Variants in MAP3K9 observed in about 807,000 individuals in gnomAD.
The protein encoded by MAP3K9 is mitogen-activated protein kinase kinase kinase 9.
In MAP3K9, 46 loss-of-function variants were observed where a neutral mutation model predicts 95.8. The ratio of observed to expected loss-of-function variants is 0.48; its 90% CI spans 0.38 to 0.61. The LOEUF is 0.61. Among genes scored for constraint, MAP3K9 ranks in the 20% least tolerant of loss-of-function variants. The pLI, the probability that MAP3K9 is intolerant of heterozygous loss-of-function variation, is 0.00. For synonymous variants in MAP3K9, 533 were observed against 593.8 expected (o/e 0.90, Z 1.49); for missense variants, 1,296 against 1,474.3 (o/e 0.88, Z 1.98).
intron 2 of MAP3K9, among the ~76,000 whole-genome samples, chr14:70,773,967 A>G (rs968567201): frequency 6.6e-6 from 1 of 152,236 alleles, no homozygotes; most frequent in Non-Finnish European, 1.5e-5. Context: ...ACTACAGCAA[A>G]ACAGACACAG....
In MAP3K9 at chr14:70,735,943, G is replaced by A. The variant is rs966575248; in HGVS notation, c.1913+18C>T. 2 of 1,583,112 alleles carry A rather than the reference G, an allele frequency of 1.3e-6. No individual in the cohort carries two copies. The highest frequency in any genetic ancestry group is 1.7e-6 in the Non-Finnish European group (2 of 1,151,786). On this transcript the variant is annotated intron_variant, in intron 9 of 11. Coordinates refer to ENST00000554752, the MANE Select transcript of MAP3K9 (RefSeq NM_001284230.2). Reference sequence around the variant, plus strand: ...TTGTTACCAGGACAGCTGGTGAAAGGGTGAAGATGAGACTCACCCCAAGTG... The same window carrying A: ...TTGTTACCAGGACAGCTGGTGAAAGAGTGAAGATGAGACTCACCCCAAGTG...
Position 70,800,715 on chromosome 14 carries a change from C to G in MAP3K9, c.772G>C (p.Asp258His), listed in dbSNP as rs1261510841. Reference sequence around the variant, plus strand: ...TGGATGATGGGAACAATTGCCTCATCATGTAAGTAGTTCATCCCTCTGGCA... The same window carrying G: ...TGGATGATGGGAACAATTGCCTCATGATGTAAGTAGTTCATCCCTCTGGCA... ...QIARGMNYLHDEAIVPIIHRD... is the reference protein window; with the variant it reads ...QIARGMNYLHHEAIVPIIHRD... The change falls in exon 2 of 12, where the codon GAT becomes CAT. Residue 258 changes from aspartate (D) to histidine (H), a missense_variant. Physicochemically the swap from Asp to His is moderately conservative, Grantham distance 81. Coordinates refer to ENST00000554752, the MANE Select transcript of MAP3K9 (RefSeq NM_001284230.2). The G allele has an allele frequency of 1.8e-5, 29 of 1,614,044 alleles. No individual in the cohort carries two copies. The highest frequency in any genetic ancestry group is 2.5e-5 in the Non-Finnish European group (29 of 1,180,040).
At chr14:70,742,969 T>C (rs1418506661) in intron 5 of MAP3K9, among the ~76,000 whole-genome samples, 1 of 150,474 alleles carries the variant, frequency 6.6e-6, no homozygotes, top group Non-Finnish European at 1.5e-5. Flanking sequence ...CATGTATTTA[T>C]TTACAGACTT....
intron 5 of MAP3K9, among the ~76,000 whole-genome samples, chr14:70,744,197 A>G (rs2054115256): frequency 6.6e-6 from 1 of 151,970 alleles, no homozygotes; most frequent in African/African-American, 2.4e-5. Flanking sequence ...ACCCTGTGGG[A>G]GTGGGGGGCT....
chr14:70,750,767 G>A (rs544786460), intron 3 of MAP3K9, among the ~76,000 whole-genome samples: 6 of 152,182 alleles, frequency 3.9e-5, no homozygotes, highest in South Asian at 4.1e-4. Flanking sequence ...GATTATAGGC[G>A]TGAGCCACCA....
intron 8 of MAP3K9, among the ~76,000 whole-genome samples, chr14:70,736,491 AG>A (rs1473439213): frequency 3.3e-5 from 5 of 152,224 alleles, no homozygotes; most frequent in Non-Finnish European, 1.5e-5. Flanking sequence ...AAGTCTGGAT[AG>A]AATATACTTT....
chr14:70,756,735 C>G (rs1005194795), intron 3 of MAP3K9, among the ~76,000 whole-genome samples: 1 of 152,194 alleles, frequency 6.6e-6, no homozygotes, highest in Non-Finnish European at 1.5e-5. Context: ...TCTAAAAGAA[C>G]CTAGGTTCCT....
intron 2 of MAP3K9, among the ~76,000 whole-genome samples, chr14:70,781,351 ATG>A (rs895995646): frequency 4.6e-5 from 7 of 152,326 alleles, no homozygotes; most frequent in African/African-American, 1.7e-4. Flanking sequence ...GCACTGAGCC[ATG>A]TGTGTGAACA....
At chr14:70,787,126 T>C (rs1311732694) in intron 2 of MAP3K9, among the ~76,000 whole-genome samples, 1 of 152,146 alleles carries the variant, frequency 6.6e-6, no homozygotes, top group Admixed American at 6.5e-5. Context: ...TTTTTTTCCT[T>C]TTTCAATGAT....
rs976166823 is a variant in MAP3K9, at chr14:70,729,989, G to A, written c.*391C>T. 2.0e-4 allele frequency: 37 copies of A among 186,982 alleles called. No homozygotes were observed. The highest frequency in any genetic ancestry group is 2.1e-3 in the Middle Eastern group (1 of 470). 11.6% of individuals were successfully genotyped at this position (186,982 alleles called of 1,614,324 possible). A position where few individuals can be genotyped will look rare whatever the true frequency, so the allele number is the denominator to read the frequency against. ...CACTGGTGTTTGGGAAGCTGAACTCGGGGCTGACAAAGGGACCCTATGACA... is the reference window on the plus strand; with the variant it reads ...CACTGGTGTTTGGGAAGCTGAACTCAGGGCTGACAAAGGGACCCTATGACA... On this transcript the variant is annotated 3_prime_UTR_variant, in exon 12 of 12. Transcript: ENST00000554752.
At chr14:70,771,002 T>A (rs1236249382) in intron 2 of MAP3K9, among the ~76,000 whole-genome samples, 1 of 152,272 alleles carries the variant, frequency 6.6e-6, no homozygotes, top group East Asian at 1.9e-4. Context: ...GAAAAGGCAG[T>A]CAAGTGGCTG....
intron 4 of MAP3K9, among the ~76,000 whole-genome samples, chr14:70,749,324 T>C (rs559221987): frequency 2.0e-5 from 3 of 152,334 alleles, no homozygotes; most frequent in African/African-American, 7.2e-5. Context: ...ACCATGTTAC[T>C]ACCTGATTCA....
At chr14:70,748,759 G>T in intron 5 of MAP3K9, 70 bp downstream of exon 5, 1 of 1,264,306 alleles carries the variant, frequency 7.9e-7, no homozygotes, top group Non-Finnish European at 1.1e-6. Context: ...CTGTGAGTGA[G>T]GTCTACCAAT....
intron 1 of MAP3K9, among the ~76,000 whole-genome samples, chr14:70,808,013 C>T (rs570332182): frequency 1.3e-5 from 2 of 152,286 alleles, no homozygotes; most frequent in African/African-American, 4.8e-5. Flanking sequence ...TCCCAAACAG[C>T]CTCACTGTCA....
Position 70,730,266 on chromosome 14 carries a change from A to G in MAP3K9, c.*114T>C, listed in dbSNP as rs959196251. ...CCTTCCATCTTCAAAGTGCATTATC[A>G]GTGCAAGAAGTAGGGCTGGATCTCA... On this transcript the variant is annotated 3_prime_UTR_variant, in exon 12 of 12. Transcript: ENST00000554752. 7.0e-7 allele frequency: 1 copy of G among 1,421,664 alleles called. No homozygotes were observed. The highest frequency in any genetic ancestry group is 9.5e-7 in the Non-Finnish European group (1 of 1,055,350). The allele number at this position is 1,421,664 out of a possible 1,614,324, so 88.1% of individuals were successfully genotyped here. A position where few individuals can be genotyped will look rare whatever the true frequency, so the allele number is the denominator to read the frequency against.
chr14:70,769,958 G>T (rs1184678398), intron 2 of MAP3K9, among the ~76,000 whole-genome samples: 1 of 152,136 alleles, frequency 6.6e-6, no homozygotes, highest in East Asian at 1.9e-4. Context: ...ACAACACCAT[G>T]GAGGAGTAAA....
At chr14:70,774,645 C>T (rs978098491) in intron 2 of MAP3K9, among the ~76,000 whole-genome samples, 1 of 150,234 alleles carries the variant, frequency 6.7e-6, no homozygotes, top group African/African-American at 2.5e-5. Flanking sequence ...CTCTAGCCTG[C>T]GTGACAGAGA....
At chr14:70,786,416 T>C (rs1383032040) in intron 2 of MAP3K9, among the ~76,000 whole-genome samples, 2 of 152,102 alleles carry the variant, frequency 1.3e-5, no homozygotes, top group African/African-American at 2.4e-5. Context: ...AAATAAAAAA[T>C]GTTTTTATTA....
In MAP3K9 at chr14:70,730,339, T is replaced by C. The variant is rs780462381; in HGVS notation, c.*41A>G. The C allele has an allele frequency of 4.5e-6, 7 of 1,571,222 alleles. No individual in the cohort carries two copies. In the Middle Eastern group the frequency reaches 5.1e-4, roughly 115 times the overall value. On this transcript the variant is annotated 3_prime_UTR_variant, in exon 12 of 12. Coordinates refer to ENST00000554752, the MANE Select transcript of MAP3K9 (RefSeq NM_001284230.2). ...GCTGTGCCCGCCAGCTCCCCTCATC[T>C]CCGCTGGCTGTCCCCCTTGCCCGCC...
Sources: allele counts gnomAD v4.1 joint callset (sites outside exome capture counted in the v4.1 genomes callset), GRCh38; gene constraint gnomAD v4.1.1; transcripts MANE v1.5; gene names NCBI Gene and HGNC (gene_info 2026-07-23, HGNC 2026-07-21).